Variants in ZNF43 observed in about 807,000 individuals in gnomAD.
ZNF43 encodes zinc finger protein 43.
ZNF43 carries 44 observed loss-of-function variants against 68.4 expected under a neutral mutation model. That is an observed-to-expected ratio of 0.64 (90% confidence interval 0.51 to 0.83). The LOEUF (loss-of-function observed/expected upper bound fraction) is 0.83. Ranked by LOEUF, ZNF43 falls within the 40% of genes least tolerant of loss-of-function variation. The probability of loss-of-function intolerance (pLI) is 0.00; values close to 1 mark genes in which losing one functional copy is unlikely to be tolerated. For missense variants in ZNF43, 896 were observed against 933.2 expected, an observed-to-expected ratio of 0.96 and a Z score of 0.52; for synonymous variants, 308 against 307.8, an observed-to-expected ratio of 1.00 and a Z score of -0.01.
At chr19:21,815,539 A>G (rs950514891) in intron 3 of ZNF43, among the ~76,000 whole-genome samples, 6 of 149,432 alleles carry the variant, frequency 4.0e-5, no homozygotes, top group African/African-American at 1.5e-4. Context: ...CCTCTGATAT[A>G]TAAAACAAAT....
chr19:21,805,397 GGGGTTGCAGTGA>G lies in ZNF43; in HGVS notation c.*2198_*2209del, dbSNP rs928036331. The G allele has an allele frequency of 6.6e-6, 1 of 152,256 alleles. No homozygotes were observed. The highest frequency in any genetic ancestry group is 2.4e-5 in the African/African-American group (1 of 41,430). The allele number at this position is 152,256 out of a possible 1,614,324, so 9.4% of individuals were successfully genotyped here. A position where few individuals can be genotyped will look rare whatever the true frequency, so the allele number is the denominator to read the frequency against. On this transcript the variant is annotated 3_prime_UTR_variant, in exon 4 of 4. Transcript: ENST00000354959. ...GAGAATCACTTGAACCGGGGAGGTG[GGGGTTGCAGTGA>G]GCCAAGATCATGCCACTGTACTCCA...
chr19:21,824,336 AT>A (rs1461341761), intron 1 of ZNF43, among the ~76,000 whole-genome samples: 1 of 152,138 alleles, frequency 6.6e-6, no homozygotes, highest in Non-Finnish European at 1.5e-5. Context: ...AGCTCTGGAC[AT>A]TTTGTGGTCT....
Position 21,809,241 on chromosome 19 carries a change from C to T in ZNF43, c.796G>A (p.Ala266Thr). The T allele has an allele frequency of 6.2e-7, 1 of 1,613,516 alleles. No homozygotes were observed. Among genetic ancestry groups the T allele is most frequent in the Non-Finnish European group, 8.5e-7 (1 of 1,179,848 alleles). The stretch of plus-strand genomic sequence containing the variant: ...GTAAGGATTGAGGACTTGTTAAAAG[C>T]TTTGCCACATTCTTCACATTTGTAG... ...KLYKCEECGKAFNKSSILTTH... is the reference protein window; with the variant it reads ...KLYKCEECGKTFNKSSILTTH... The change falls in exon 4 of 4, where the codon GCT (alanine) becomes ACT (threonine). Residue 266 changes from alanine to threonine, a missense_variant. By Grantham distance (58) the Ala-to-Thr change is moderately conservative (BLOSUM62 0). Coordinates refer to ENST00000354959, the MANE Select transcript of ZNF43 (RefSeq NM_003423.4).
chr19:21,821,409 T>C, intron 1 of ZNF43, among the ~76,000 whole-genome samples: 1 of 152,136 alleles, frequency 6.6e-6, no homozygotes, highest in East Asian at 1.9e-4. Flanking sequence ...TAGTAGTCTA[T>C]CTTTAGCACC....
intron 3 of ZNF43, among the ~76,000 whole-genome samples, chr19:21,817,441 T>C (rs766379648): frequency 2.6e-5 from 4 of 152,020 alleles, no homozygotes; most frequent in Non-Finnish European, 4.4e-5. Context: ...GCTACAGTAA[T>C]AAAAACAGGA....
chr19:21,847,789 G>A (rs1324207861), intron 1 of ZNF43, among the ~76,000 whole-genome samples: 1 of 152,070 alleles, frequency 6.6e-6, no homozygotes, highest in Non-Finnish European at 1.5e-5. Context: ...GAGAAAAGGT[G>A]TTACATCCCC....
chr19:21,812,964 A>T (rs1013765210), intron 3 of ZNF43, among the ~76,000 whole-genome samples: 7 of 148,014 alleles, frequency 4.7e-5, no homozygotes, highest in Non-Finnish European at 9.0e-5. Flanking sequence ...ATTACAAATT[A>T]AAAAAAAAAA....
intron 3 of ZNF43, among the ~76,000 whole-genome samples, chr19:21,815,289 G>A (rs1020510918): frequency 2.6e-5 from 4 of 151,862 alleles, no homozygotes; most frequent in Admixed American, 1.3e-4. Flanking sequence ...TGCATCATTG[G>A]CATGAACTGT....
At position 21,819,068 on chromosome 19, in the gene ZNF43, G is replaced by A. The variant is rs200248555; in HGVS notation, c.130+27C>T. ...AAAATGAAATCTTTAGGGTATATTA[G>A]GAATTGAGTATTGAAGTTATGCTCA... On this transcript the variant is annotated intron_variant, in intron 2 of 3. Transcript: ENST00000354959. The A allele has an allele frequency of 1.9e-4, 308 of 1,597,064 alleles. 2 individuals carry two copies. The East Asian group carries it at 3.6e-3, about 19-fold the overall frequency.
At chr19:21,820,216 AAT>A (rs548694604) in intron 1 of ZNF43, among the ~76,000 whole-genome samples, 25 of 63,896 alleles carry the variant, frequency 3.9e-4, no homozygotes, top group South Asian at 7.2e-4. Context: ...TAATAATAAT[AAT>A]ATATATATAT....
chr19:21,832,662 C>T (rs926409952), intron 1 of ZNF43, among the ~76,000 whole-genome samples: 6 of 151,970 alleles, frequency 3.9e-5, no homozygotes, highest in East Asian at 1.9e-4. Flanking sequence ...GTCAGGAGTT[C>T]GAGACCAGCC....
intron 1 of ZNF43, among the ~76,000 whole-genome samples, chr19:21,829,758 T>C (rs2038331812): frequency 6.6e-6 from 1 of 152,068 alleles, no homozygotes; most frequent in African/African-American, 2.4e-5. Flanking sequence ...AACAGCCAGG[T>C]CTCTGGACAT....
At chr19:21,840,529 T>A (rs1412122847), upstream of ZNF43, 1 of 152,196 alleles carries the variant, frequency 6.6e-6, no homozygotes, top group African/African-American at 2.4e-5. Flanking sequence ...AGTCACAGCC[T>A]CACAGGTATG....
At position 21,809,081 on chromosome 19, in the gene ZNF43, C is replaced by T; in HGVS notation, c.956G>A (p.Cys319Tyr). 3 of 1,613,510 alleles carry T rather than the reference C, an allele frequency of 1.9e-6. No individual in the cohort carries two copies. The highest frequency in any genetic ancestry group is 2.5e-6 in the Non-Finnish European group (3 of 1,179,884). ...TGAGGGCCAGTTAAAGGCTTTGCCA[C>T]ATTCTTCACATTTGTAAGGTTTCTC... ...PGEKPYKCEE[C>Y]GKAFNWPSTL... The change falls in exon 4 of 4, where the codon TGT (cysteine) becomes TAT (tyrosine). Residue 319 changes from cysteine to tyrosine, a missense_variant. Cys to Tyr is a radical substitution (Grantham distance 194). Transcript: ENST00000354959.
intron 1 of ZNF43, among the ~76,000 whole-genome samples, chr19:21,834,535 G>C (rs895157139): frequency 2.6e-5 from 4 of 152,044 alleles, no homozygotes; most frequent in Middle Eastern, 3.4e-3. Flanking sequence ...AAGGCGGGTG[G>C]ATCACAAGGT....
chr19:21,833,197 TAA>T (rs2038507718), intron 1 of ZNF43, among the ~76,000 whole-genome samples: 1 of 152,118 alleles, frequency 6.6e-6, no homozygotes. Context: ...AGCCATAAAA[TAA>T]AAGACACCTG....
intron 1 of ZNF43, among the ~76,000 whole-genome samples, chr19:21,833,843 C>T (rs906975130): frequency 2.0e-5 from 3 of 151,754 alleles, no homozygotes; most frequent in Non-Finnish European, 4.4e-5. Flanking sequence ...GCGTGACCAA[C>T]ATGGGGAAAC....
chr19:21,809,536 G>A lies in ZNF43; in HGVS notation c.501C>T (p.Ser167=). Residue 167 remains serine, a synonymous_variant, in exon 4 of 4, where the codon AGC becomes AGT. Coordinates refer to ENST00000354959, the MANE Select transcript of ZNF43 (RefSeq NM_003423.4). Reference sequence around the variant, plus strand: ...ATTTGAAAAGTTTTTTTTCAGTATGGCTTATCTTATGTCTGTTTGAATTTG... The same window carrying A: ...ATTTGAAAAGTTTTTTTTCAGTATGACTTATCTTATGTCTGTTTGAATTTG... ...KFSNSNRHKI[S]HTEKKLFKCK... The A allele has an allele frequency of 6.2e-7, 1 of 1,613,274 alleles. No homozygotes were observed. Among genetic ancestry groups the A allele is most frequent in the Non-Finnish European group, 8.5e-7 (1 of 1,179,682 alleles).
chr19:21,809,226 A>C lies in ZNF43; in HGVS notation c.811T>G (p.Ser271Ala), dbSNP rs1320272424. The C allele has an allele frequency of 5.6e-6, 9 of 1,613,494 alleles. No homozygotes were observed. The South Asian group carries it at 9.9e-5, about 18-fold the overall frequency. The change falls in exon 4 of 4, where the codon TCA (serine) becomes GCA (alanine). Residue 271 changes from serine (S) to alanine (A), a missense_variant. Physicochemically the swap from Ser to Ala is moderately conservative, Grantham distance 99. Transcript: ENST00000354959. ...EECGKAFNKS[S>A]ILTTHKIIRT... ...ATTATCTTATGGGTAGTAAGGATTG[A>C]GGACTTGTTAAAAGCTTTGCCACAT... is the stretch of plus-strand genomic sequence containing the variant.
Sources: allele counts gnomAD v4.1 joint callset (sites outside exome capture counted in the v4.1 genomes callset), GRCh38; gene constraint gnomAD v4.1.1; transcripts MANE v1.5; gene names NCBI Gene and HGNC (gene_info 2026-07-23, HGNC 2026-07-21).